Variants in SNTG1 observed in about 807,000 individuals in gnomAD.
The protein encoded by SNTG1 is syntrophin gamma 1, also known as gamma-1-syntrophin.
SNTG1 carries 39 observed loss-of-function variants against 74.7 expected under a neutral mutation model. The ratio of observed to expected loss-of-function variants is 0.52; its 90% CI spans 0.40 to 0.68. The LOEUF is 0.68. SNTG1 is among the 30% of genes least tolerant of loss of function. SNTG1 has a pLI of 0.00. For synonymous variants in SNTG1, 254 were observed against 217.1 expected (o/e 1.17, Z -1.49); for missense variants, 685 against 609.5 (o/e 1.12, Z -1.30).
intron 4 of SNTG1, among the ~76,000 whole-genome samples, chr8:50,418,277 C>G (rs79616350): frequency 0.047 from 7,109 of 152,064 alleles, 215 homozygotes; most frequent in Middle Eastern, 0.095. Context: ...TTTCTCATTC[C>G]TAATTTTACT....
At chr8:50,778,342 C>T (rs2095647556) in intron 18 of SNTG1, among the ~76,000 whole-genome samples, 1 of 152,116 alleles carries the variant, frequency 6.6e-6, no homozygotes, top group Non-Finnish European at 1.5e-5. Context: ...GTTCCTATTC[C>T]TCCACATCCT....
chr8:49,997,174 G>A (rs1047635698), intron 1 of SNTG1, among the ~76,000 whole-genome samples: 1 of 152,064 alleles, frequency 6.6e-6, no homozygotes, highest in Non-Finnish European at 1.5e-5. Flanking sequence ...AATCAGAATT[G>A]TACACATTTT....
intron 2 of SNTG1, among the ~76,000 whole-genome samples, chr8:50,389,722 T>G (rs978347815): frequency 1.3e-5 from 2 of 152,188 alleles, no homozygotes; most frequent in African/African-American, 4.8e-5. Flanking sequence ...TGTTCCTATT[T>G]CTCCACATCC....
At chr8:49,994,595 A>G (rs1814024649) in intron 1 of SNTG1, among the ~76,000 whole-genome samples, 1 of 152,018 alleles carries the variant, frequency 6.6e-6, no homozygotes, top group South Asian at 2.1e-4. Context: ...GGAACTTTAT[A>G]AAGAGCTATG....
chr8:50,383,667 T>G (rs1014466217), intron 2 of SNTG1, among the ~76,000 whole-genome samples: 5 of 152,148 alleles, frequency 3.3e-5, no homozygotes, highest in Non-Finnish European at 5.9e-5. Flanking sequence ...AACCCAAATC[T>G]TCATTCCTGA....
At chr8:50,275,321 G>T (rs909950789) in intron 2 of SNTG1, among the ~76,000 whole-genome samples, 8 of 152,062 alleles carry the variant, frequency 5.3e-5, no homozygotes, top group African/African-American at 1.9e-4. Flanking sequence ...TACAATATGT[G>T]TAATTGTTTT....
intron 2 of SNTG1, among the ~76,000 whole-genome samples, chr8:50,297,672 T>C (rs4873450): frequency 0.049 from 7,385 of 152,016 alleles, 405 homozygotes; most frequent in South Asian, 0.17. Context: ...GGCAGAACAG[T>C]TGGAGATTTT....
intron 13 of SNTG1, among the ~76,000 whole-genome samples, chr8:50,654,485 T>C (rs890048000): frequency 6.6e-6 from 1 of 152,192 alleles, no homozygotes; most frequent in Non-Finnish European, 1.5e-5. Flanking sequence ...CTTATATTCA[T>C]ATACATAGCA....
intron 17 of SNTG1, among the ~76,000 whole-genome samples, chr8:50,739,079 A>G (rs1316469012): frequency 1.3e-5 from 2 of 152,152 alleles, no homozygotes; most frequent in Non-Finnish European, 2.9e-5. Flanking sequence ...TTGTTAAACT[A>G]AAGAGCTTCT....
chr8:50,770,931 A>G (rs1198733417), intron 18 of SNTG1, among the ~76,000 whole-genome samples: 3 of 152,120 alleles, frequency 2.0e-5, no homozygotes, highest in African/African-American at 7.2e-5. Flanking sequence ...GGCAGTCACC[A>G]GATGTGGCTG....
intron 12 of SNTG1, among the ~76,000 whole-genome samples, chr8:50,572,691 C>A (rs2094556004): frequency 6.6e-6 from 1 of 152,082 alleles, no homozygotes; most frequent in African/African-American, 2.4e-5. Context: ...AAATTCTTCT[C>A]TTCTCATGGT....
In SNTG1 at chr8:50,100,891, G is replaced by A. The variant is rs10092855; in HGVS notation, c.-102-71670G>A. ...GATTATTTCATCACCCAAGTGAGAC[G>A]CATAGTACCCAATAGTCAGTTTTTT... is the stretch of plus-strand genomic sequence containing the variant. On this transcript the variant is annotated intron_variant, in intron 1 of 18. Transcript: ENST00000642720. Among the ~76,000 whole-genome samples, 567 of 152,128 alleles carry A rather than the reference G, an allele frequency of 3.7e-3. 2 individuals carry two copies. Among genetic ancestry groups the A allele is most frequent in the African/African-American group, 0.013 (545 of 41,518 alleles).
chr8:50,272,376 G>T (rs1445389917), intron 2 of SNTG1, among the ~76,000 whole-genome samples: 3 of 152,142 alleles, frequency 2.0e-5, no homozygotes, highest in Admixed American at 6.5e-5. Flanking sequence ...TTGCTTTCAT[G>T]CCTGCAACTT....
chr8:49,968,271 C>CA (rs1477384525), intron 1 of SNTG1, among the ~76,000 whole-genome samples: 3 of 152,082 alleles, frequency 2.0e-5, no homozygotes, highest in Non-Finnish European at 1.5e-5. Flanking sequence ...CAGTACTTAC[C>CA]AAAACACAAT....
chr8:50,464,497 A>G (rs1051890134), intron 8 of SNTG1, among the ~76,000 whole-genome samples: 7 of 152,244 alleles, frequency 4.6e-5, no homozygotes, highest in East Asian at 1.9e-4. Context: ...AGAGAGGGAG[A>G]GAAATGGGGA....
At chr8:50,255,697 T>A (rs1375946219) in intron 2 of SNTG1, among the ~76,000 whole-genome samples, 1 of 152,194 alleles carries the variant, frequency 6.6e-6, no homozygotes, top group African/African-American at 2.4e-5. Context: ...GTCTCCTTTT[T>A]ATCAGAACAT....
chr8:50,212,967 T>C (rs2131924254), intron 2 of SNTG1, among the ~76,000 whole-genome samples: 1 of 152,310 alleles, frequency 6.6e-6, no homozygotes, highest in South Asian at 2.1e-4. Flanking sequence ...GCAAACAGCA[T>C]TTTAATGATG....
intron 5 of SNTG1, among the ~76,000 whole-genome samples, chr8:50,449,375 T>C (rs758828273): frequency 9.2e-5 from 14 of 152,330 alleles, no homozygotes; most frequent in East Asian, 1.9e-4. Context: ...AGAATTTCTA[T>C]TGGATAGCAT....
At chr8:50,279,640 T>A (rs1380302837) in intron 2 of SNTG1, among the ~76,000 whole-genome samples, 1 of 152,110 alleles carries the variant, frequency 6.6e-6, no homozygotes, top group East Asian at 1.9e-4. Flanking sequence ...AAAAATAGAT[T>A]AACAAGAGAA....
Sources: allele counts gnomAD v4.1 joint callset (sites outside exome capture counted in the v4.1 genomes callset), GRCh38; gene constraint gnomAD v4.1.1; transcripts MANE v1.5; gene names NCBI Gene and HGNC (gene_info 2026-07-23, HGNC 2026-07-21).